Variants in SUN5 observed in about 807,000 individuals in gnomAD.
SUN5 encodes the protein Sad1 and UNC84 domain containing 5.
SUN5 carries 44 observed loss-of-function variants against 53.7 expected under a neutral mutation model. The ratio of observed to expected loss-of-function variants is 0.82; its 90% CI spans 0.64 to 1.05. The LOEUF (loss-of-function observed/expected upper bound fraction) is 1.05. Ranked by LOEUF, SUN5 falls within the 50% of genes least tolerant of loss-of-function variation. The pLI is 0.00. For synonymous variants in SUN5, 166 were observed against 179.8 expected (o/e 0.92, Z 0.62); for missense variants, 433 against 483.8 (o/e 0.90, Z 0.98).
At chr20:32,995,156 A>G (rs1187303172) in intron 8 of SUN5, among the ~76,000 whole-genome samples, 1 of 152,234 alleles carries the variant, frequency 6.6e-6, no homozygotes, top group Non-Finnish European at 1.5e-5. Context: ...GTTTCCCAAA[A>G]CTATTGAAAA....
chr20:32,987,810 G>A lies in SUN5; in HGVS notation c.614-35C>T, dbSNP rs79408847. On this transcript the variant is annotated intron_variant, in intron 9 of 12. Transcript: ENST00000356173. ...AGAAGGGGGTCTCAGCCAAGCAGCCGGGCTTCTGCCTGGTGGAGGGGACGC... is the reference window on the plus strand; with the variant it reads ...AGAAGGGGGTCTCAGCCAAGCAGCCAGGCTTCTGCCTGGTGGAGGGGACGC... 5,369 of 1,571,616 alleles carry A rather than the reference G, an allele frequency of 3.4e-3. 154 individuals are homozygous for A. In the African/African-American group the frequency reaches 0.061, roughly 18 times the overall value.
At position 32,983,826 on chromosome 20, in the gene SUN5, G is replaced by T; in HGVS notation, c.1108C>A (p.Pro370Thr). ...HGSVAPPREQ[P>T]HQNPYPKRD ...CTCTTAGGGTAGGGGTTCTGGTGAG[G>T]CTGCTCTCTGGGCGGGGCCACAGAG... The change falls in exon 13 of 13, where the codon CCT (proline) becomes ACT (threonine). Residue 370 changes from proline (P) to threonine (T), a missense_variant. Transcript: ENST00000356173. 1 of 1,574,600 alleles carries T rather than the reference G, an allele frequency of 6.4e-7. No individual in the cohort carries two copies. The highest frequency in any genetic ancestry group is 8.6e-7 in the Non-Finnish European group (1 of 1,159,474).
intron 3 of SUN5, among the ~76,000 whole-genome samples, chr20:33,001,483 G>A (rs1004543568): frequency 2.4e-5 from 3 of 122,512 alleles, no homozygotes; most frequent in East Asian, 4.2e-4. Context: ...GTGGGCACTG[G>A]TTGCCACTGG....
intron 3 of SUN5, 107 bp downstream of exon 3, chr20:33,002,480 T>C (rs1875002008): frequency 5.7e-6 from 6 of 1,044,040 alleles, no homozygotes; most frequent in Non-Finnish European, 3.0e-6. Context: ...CCACCACCCC[T>C]GCAGTCCAGG....
In SUN5 at chr20:32,999,795, G is replaced by A; in HGVS notation, c.340+279C>T. 3.3e-6 allele frequency: 3 copies of A among 922,506 alleles called. 1 individual carries two copies. Among genetic ancestry groups the A allele is most frequent in the South Asian group, 3.4e-5 (2 of 59,570 alleles). The allele number at this position is 922,506 out of a possible 1,614,324, so 57.1% of individuals were successfully genotyped here. ...AAAGCTAAGCTGTGTTGTGCGAGGT[G>A]GGGGTGGTGGCTGGAAAGAAGCCAT... On this transcript the variant is annotated intron_variant, in intron 5 of 12. Transcript: ENST00000356173.
chr20:32,984,187 T>C (rs1043347715), intron 12 of SUN5, among the ~76,000 whole-genome samples: 1 of 152,198 alleles, frequency 6.6e-6, no homozygotes, highest in African/African-American at 2.4e-5. Flanking sequence ...CTTAATGCTG[T>C]GGGATCTTGG....
At chr20:33,003,109 CCAGGTTG>C (rs1990097676) in intron 1 of SUN5, among the ~76,000 whole-genome samples, 190 bp from the exon 2 acceptor site, 1 of 152,138 alleles carries the variant, frequency 6.6e-6, no homozygotes, top group Non-Finnish European at 1.5e-5. Context: ...AGGAAAAGAC[CCAGGTTG>C]CTGTGGCAGT....
At chr20:32,986,974 C>T (rs1168500041) in intron 10 of SUN5, among the ~76,000 whole-genome samples, 1 of 152,194 alleles carries the variant, frequency 6.6e-6, no homozygotes, top group Non-Finnish European at 1.5e-5. Context: ...AGCTTGACCT[C>T]GAGTGCCAAG....
chr20:32,989,255 A>G (rs1012298524), intron 9 of SUN5, among the ~76,000 whole-genome samples: 10 of 152,130 alleles, frequency 6.6e-5, no homozygotes, highest in Non-Finnish European at 1.0e-4. Flanking sequence ...CGGGTTGGAG[A>G]TGGCTCTGTC....
intron 8 of SUN5, among the ~76,000 whole-genome samples, chr20:32,995,262 A>T (rs1483026043): frequency 1.3e-5 from 2 of 152,206 alleles, no homozygotes; most frequent in East Asian, 1.9e-4. Context: ...GCTCCCAGGG[A>T]TAAAAAATAG....
At chr20:33,001,182 A>C in intron 4 of SUN5, 30 bp downstream of exon 4, 3 of 1,558,974 alleles carry the variant, frequency 1.9e-6, no homozygotes, top group Non-Finnish European at 2.6e-6. Flanking sequence ...CCCACTCCCC[A>C]TCCACCCTCC....
At chr20:33,002,425 T>A (rs1351197449) in intron 3 of SUN5, among the ~76,000 whole-genome samples, 162 bp downstream of exon 3, 3 of 152,104 alleles carry the variant, frequency 2.0e-5, no homozygotes, top group Non-Finnish European at 4.4e-5. Flanking sequence ...TTGGCAGGAA[T>A]GATACCTCCG....
intron 8 of SUN5, among the ~76,000 whole-genome samples, chr20:32,993,049 G>A (rs1338128781): frequency 2.0e-5 from 3 of 151,948 alleles, no homozygotes; most frequent in Middle Eastern, 3.4e-3. Context: ...TATATCTACC[G>A]CCAAGATCAA....
intron 9 of SUN5, among the ~76,000 whole-genome samples, chr20:32,988,330 G>A (rs574225218): frequency 9.8e-5 from 15 of 152,300 alleles, no homozygotes; most frequent in African/African-American, 2.9e-4. Flanking sequence ...TGATCCTGGG[G>A]GTGCCCGAGT....
At chr20:32,990,034 T>C (rs1357450794) in intron 8 of SUN5, among the ~76,000 whole-genome samples, 2 of 152,138 alleles carry the variant, frequency 1.3e-5, no homozygotes, top group African/African-American at 4.8e-5. Context: ...GTCTCGATAT[T>C]CTCACCTGTA....
intron 6 of SUN5, among the ~76,000 whole-genome samples, chr20:32,997,171 G>C (rs1286964446): frequency 6.6e-6 from 1 of 152,176 alleles, no homozygotes; most frequent in African/African-American, 2.4e-5. Context: ...GGAGGGACAG[G>C]CCTTTCAGAT....
intron 6 of SUN5, among the ~76,000 whole-genome samples, chr20:32,997,126 A>T (rs775289189): frequency 4.6e-5 from 7 of 152,148 alleles, no homozygotes; most frequent in Non-Finnish European, 1.0e-4. Context: ...ACCTTGATGG[A>T]TATGAAGGGG....
In SUN5 at chr20:32,997,696, C is replaced by T. The variant is rs748298963; in HGVS notation, c.341-9G>A. Reference sequence around the variant, plus strand: ...AGAAAACATCCAGAATCCTGTGAGGCCATGAGAATAAGAATGAGCCATTTA... The same window carrying T: ...AGAAAACATCCAGAATCCTGTGAGGTCATGAGAATAAGAATGAGCCATTTA... On this transcript the variant is annotated splice_polypyrimidine_tract_variant and intron_variant, in intron 5 of 12. Transcript: ENST00000356173. The T allele has an allele frequency of 1.2e-6, 2 of 1,613,838 alleles. No homozygotes were observed. Among genetic ancestry groups the T allele is most frequent in the Admixed American group, 1.7e-5 (1 of 59,996 alleles).
intron 5 of SUN5, chr20:32,999,734 A>C: frequency 1.7e-6 from 1 of 581,726 alleles, no homozygotes; most frequent in Non-Finnish European, 3.0e-6. Context: ...CAAAGCCAGT[A>C]TATGTCAGTG....
Sources: allele counts gnomAD v4.1 joint callset (sites outside exome capture counted in the v4.1 genomes callset), GRCh38; gene constraint gnomAD v4.1.1; transcripts MANE v1.5; gene names NCBI Gene and HGNC (gene_info 2026-07-23, HGNC 2026-07-21).